The following CADM1 variants were observed in gnomAD, a reference collection of about 807,000 sequenced individuals.
CADM1 encodes cell adhesion molecule 1, also known as TSLC-1.
CADM1 carries 15 observed loss-of-function variants against 53.1 expected under a neutral mutation model. The observed-to-expected ratio is 0.28, with a 90% CI of 0.19 to 0.44. The LOEUF is 0.44. Among genes scored for constraint, CADM1 ranks in the 20% least tolerant of loss-of-function variants. The pLI is 1.00. For synonymous variants in CADM1, 281 were observed against 243.0 expected (o/e 1.16, Z -1.45); for missense variants, 434 against 611.3 (o/e 0.71, Z 3.06).
chr11:115,225,095 C>T (rs1314172562), intron 5 of CADM1, among the ~76,000 whole-genome samples: 1 of 152,188 alleles, frequency 6.6e-6, no homozygotes, highest in African/African-American at 2.4e-5. Flanking sequence ...TGTGCTGCTG[C>T]TGTACCCTTG....
intron 2 of CADM1, among the ~76,000 whole-genome samples, chr11:115,239,260 A>T (rs1199141103): frequency 6.6e-6 from 1 of 152,156 alleles, no homozygotes; most frequent in Non-Finnish European, 1.5e-5. Context: ...AAACCTAATC[A>T]ACTTGGATGC....
At chr11:115,402,704 T>C (rs1412712968) in intron 1 of CADM1, among the ~76,000 whole-genome samples, 1 of 143,660 alleles carries the variant, frequency 7.0e-6, no homozygotes, top group Non-Finnish European at 1.5e-5. Context: ...GACATAACAT[T>C]TTTTTTTTCA....
chr11:115,275,668 G>C (rs1943424955), intron 1 of CADM1, among the ~76,000 whole-genome samples: 1 of 152,162 alleles, frequency 6.6e-6, no homozygotes, highest in Admixed American at 6.5e-5. Context: ...GTTTTTAAGA[G>C]ATTTTAGAGG....
chr11:115,389,970 G>A (rs1946793479), intron 1 of CADM1, among the ~76,000 whole-genome samples: 1 of 152,092 alleles, frequency 6.6e-6, no homozygotes, highest in African/African-American at 2.4e-5. Flanking sequence ...CTCAAAGATG[G>A]GAACTAAAAC....
chr11:115,438,876 T>C (rs537072987), intron 1 of CADM1, among the ~76,000 whole-genome samples: 2 of 152,304 alleles, frequency 1.3e-5, no homozygotes, highest in South Asian at 4.1e-4. Context: ...ACCGAGAAGC[T>C]ATCTGATGGT....
At chr11:115,456,109 T>A (rs1187122823) in intron 1 of CADM1, among the ~76,000 whole-genome samples, 1 of 152,128 alleles carries the variant, frequency 6.6e-6, no homozygotes, top group African/African-American at 2.4e-5. Context: ...CCAGCAAGGA[T>A]CCAACATGTT....
intron 1 of CADM1, among the ~76,000 whole-genome samples, chr11:115,485,172 T>TAC (rs1396875016): frequency 1.3e-5 from 2 of 152,158 alleles, no homozygotes; most frequent in Admixed American, 1.3e-4. Flanking sequence ...TTCCACCTGG[T>TAC]ACTGACTCCC....
chr11:115,336,410 G>T (rs75009632), intron 1 of CADM1, among the ~76,000 whole-genome samples: 1 of 152,202 alleles, frequency 6.6e-6, no homozygotes, highest in South Asian at 2.1e-4. Flanking sequence ...TGCTTCAGAG[G>T]TTATAAAAGA....
chr11:115,412,565 C>G (rs538008199), intron 1 of CADM1, among the ~76,000 whole-genome samples: 1 of 152,292 alleles, frequency 6.6e-6, no homozygotes, highest in East Asian at 1.9e-4. Flanking sequence ...ATGCAATCTT[C>G]CAACCAATTC....
chr11:115,426,370 G>A (rs1252608917), intron 1 of CADM1, among the ~76,000 whole-genome samples: 1 of 152,136 alleles, frequency 6.6e-6, no homozygotes, highest in East Asian at 1.9e-4. Context: ...TTTGATTTCA[G>A]TCGCTTCCAT....
intron 1 of CADM1, among the ~76,000 whole-genome samples, chr11:115,501,357 A>T (rs1468965285): frequency 6.6e-6 from 1 of 152,162 alleles, no homozygotes; most frequent in Non-Finnish European, 1.5e-5. Context: ...AAGCCCCAAC[A>T]GGCCAAAGCA....
At chr11:115,447,763 T>G (rs1948483702) in intron 1 of CADM1, among the ~76,000 whole-genome samples, 1 of 152,160 alleles carries the variant, frequency 6.6e-6, no homozygotes, top group African/African-American at 2.4e-5. Context: ...AGAGACACCT[T>G]CTCATGAATG....
At chr11:115,458,524 A>C (rs929550597) in intron 1 of CADM1, among the ~76,000 whole-genome samples, 1 of 148,618 alleles carries the variant, frequency 6.7e-6, no homozygotes, top group Non-Finnish European at 1.5e-5. Context: ...TATTATTATT[A>C]TTATTATTAC....
At chr11:115,326,833 G>A (rs946244297) in intron 1 of CADM1, among the ~76,000 whole-genome samples, 4 of 152,004 alleles carry the variant, frequency 2.6e-5, no homozygotes, top group African/African-American at 4.8e-5. Context: ...CAAAGCATTC[G>A]GTAAACTCCC....
Position 115,273,225 on chromosome 11 carries a change from G to T in CADM1, c.125-32805C>A, listed in dbSNP as rs140851242. On this transcript the variant is annotated intron_variant, in intron 1 of 11. Coordinates refer to ENST00000331581, the MANE Select transcript of CADM1 (RefSeq NM_001301043.2). ...ATAAACATTCCAAAATGTCTAAATG[G>T]CTAAAAATAAAACCTTGCTTGACCA... Among the ~76,000 whole-genome samples the T allele has an allele frequency of 7.5e-3, 1,136 of 152,264 alleles. 13 individuals carry two copies. Among genetic ancestry groups the T allele is most frequent in the Middle Eastern group, 0.051 (15 of 294 alleles).
chr11:115,450,318 CCA>C (rs1948543569), intron 1 of CADM1, among the ~76,000 whole-genome samples: 2 of 152,108 alleles, frequency 1.3e-5, no homozygotes, highest in South Asian at 4.1e-4. Flanking sequence ...GTTTCCAGGC[CCA>C]GTCACTCCTA....
intron 1 of CADM1, among the ~76,000 whole-genome samples, chr11:115,276,430 A>C (rs1389931591): frequency 6.6e-6 from 1 of 152,232 alleles, no homozygotes; most frequent in Non-Finnish European, 1.5e-5. Context: ...GCCACTCACA[A>C]ATCTCTTTGT....
chr11:115,488,694 GT>G (rs1236014970), intron 1 of CADM1, among the ~76,000 whole-genome samples: 1 of 152,176 alleles, frequency 6.6e-6, no homozygotes, highest in Non-Finnish European at 1.5e-5. Context: ...CCTACTTTCT[GT>G]TTAAAGCTAG....
chr11:115,327,168 C>T (rs756465431), intron 1 of CADM1, among the ~76,000 whole-genome samples: 7 of 152,140 alleles, frequency 4.6e-5, no homozygotes, highest in Non-Finnish European at 1.0e-4. Flanking sequence ...TACATATACG[C>T]TATCATGTCA....
Sources: gnomAD v4.1 joint callset for allele counts (sites outside exome capture counted in the v4.1 genomes callset) on GRCh38, gnomAD v4.1.1 for gene constraint, MANE v1.5 for transcripts, NCBI Gene and HGNC (gene_info 2026-07-23, HGNC 2026-07-21) for gene names.